Variants in HECTD4 observed in about 807,000 individuals in gnomAD.
HECTD4 encodes probable E3 ubiquitin-protein ligase HECTD4.
A neutral mutation model predicts 471.5 loss-of-function variants in HECTD4; 114 were observed. The ratio of observed to expected loss-of-function variants is 0.24; its 90% confidence interval spans 0.21 to 0.28. The LOEUF is 0.28. Among genes scored for constraint, HECTD4 ranks in the 10% least tolerant of loss-of-function variants. HECTD4 has a pLI of 1.00. For missense variants in HECTD4, 3,866 were observed against 5,651.5 expected, an observed-to-expected ratio of 0.68 and a Z score of 10.13; for synonymous variants, 2,012 against 2,256.0, an observed-to-expected ratio of 0.89 and a Z score of 3.07.
intron 70 of HECTD4, among the ~76,000 whole-genome samples, chr12:112,168,990 C>T (rs558444898): frequency 5.3e-5 from 8 of 152,306 alleles, no homozygotes; most frequent in South Asian, 2.1e-4. Context: ...CCCTCCTGCC[C>T]GGACAGCCTT....
chr12:112,208,156 G>T (rs2032650677), intron 51 of HECTD4, among the ~76,000 whole-genome samples, 156 bp from the exon 52 acceptor site: 1 of 152,136 alleles, frequency 6.6e-6, no homozygotes, highest in South Asian at 2.1e-4. Flanking sequence ...TACACCCCCA[G>T]ATGCCAGGGC....
Position 112,172,848 on chromosome 12 carries a change from C to G in HECTD4, c.11608G>C (p.Asp3870His). 1 of 1,613,890 alleles carries G rather than the reference C, an allele frequency of 6.2e-7. No individual in the cohort carries two copies. The highest frequency in any genetic ancestry group is 1.1e-5 in the South Asian group (1 of 91,070). The change falls in exon 67 of 76, where the codon GAT becomes CAT. Residue 3870 changes from aspartate (D) to histidine (H), a missense_variant. Physicochemically the swap from Asp to His is moderately conservative, Grantham distance 81. Transcript: ENST00000682272. Reference protein sequence around the residue: ...DLHFERCACIDVRHAQKASRK... With the variant: ...DLHFERCACIHVRHAQKASRK... ...GAGGCCTTCTGTGCATGTCGGACAT[C>G]GATGCATGCGCACCTTGGGGTGGGG...
chr12:112,376,381 G>C (rs1390010662), intron 1 of HECTD4, among the ~76,000 whole-genome samples: 1 of 151,974 alleles, frequency 6.6e-6, no homozygotes, highest in African/African-American at 2.4e-5. Flanking sequence ...CGAGTAGCTG[G>C]GACTACAGGC....
intron 7 of HECTD4, among the ~76,000 whole-genome samples, chr12:112,288,000 G>C (rs2034792472): frequency 6.6e-6 from 1 of 151,600 alleles, no homozygotes; most frequent in South Asian, 2.1e-4. Flanking sequence ...GTCTGGACCT[G>C]GTCAGATGAC....
intron 1 of HECTD4, among the ~76,000 whole-genome samples, chr12:112,343,824 G>A (rs1019189966): frequency 1.3e-5 from 2 of 152,046 alleles, no homozygotes; most frequent in African/African-American, 4.8e-5. Flanking sequence ...ACAGGAGAAG[G>A]GCTAAATCAC....
chr12:112,174,603 C>T (rs574789318), intron 66 of HECTD4, among the ~76,000 whole-genome samples: 4 of 149,720 alleles, frequency 2.7e-5, no homozygotes, highest in Admixed American at 6.7e-5. Context: ...CTCACTCTGT[C>T]GCCCAGGCTG....
At chr12:112,301,769 G>A (rs1465091945) in intron 7 of HECTD4, 2 of 506,264 alleles carry the variant, frequency 4.0e-6, no homozygotes, top group East Asian at 8.9e-5. Context: ...TGGTGCTTAT[G>A]TGAAGTTTTA....
At position 112,208,893 on chromosome 12, in the gene HECTD4, CTTTTTTTTTTTT is replaced by C. The variant is rs756330403; in HGVS notation, c.7868-275_7868-264del. On this transcript the variant is annotated intron_variant, in intron 50 of 75. Transcript: ENST00000682272. The stretch of plus-strand genomic sequence containing the variant: ...TTCACTATAGATAGAACTAAACAGG[CTTTTTTTTTTTT>C]TTTTTTTTTTTTTTGAGACAGAAGC... Among the ~76,000 whole-genome samples, 12 of 72,458 alleles carry C rather than the reference CTTTTTTTTTTTT, an allele frequency of 1.7e-4. 1 individual carries two copies. The highest frequency in any genetic ancestry group is 5.3e-4 in the African/African-American group (9 of 16,880). The allele number at this position is 72,458 out of a possible 152,430, so 47.5% of individuals were successfully genotyped here.
intron 11 of HECTD4, among the ~76,000 whole-genome samples, chr12:112,271,940 A>G (rs2034421733): frequency 6.6e-6 from 1 of 152,208 alleles, no homozygotes; most frequent in Non-Finnish European, 1.5e-5. Context: ...TCATCAGTCC[A>G]ACATCTGCAT....
chr12:112,380,925 G>A (rs1048715454), intron 1 of HECTD4, among the ~76,000 whole-genome samples: 2 of 152,002 alleles, frequency 1.3e-5, no homozygotes, highest in East Asian at 3.9e-4. Flanking sequence ...AAGATCCCTC[G>A]CATGCCGTTT....
At chr12:112,277,886 G>A (rs1418259042) in intron 9 of HECTD4, among the ~76,000 whole-genome samples, 1 of 151,948 alleles carries the variant, frequency 6.6e-6, no homozygotes, top group Non-Finnish European at 1.5e-5. Context: ...GAAAGTTGAG[G>A]CTTTGAATGA....
rs1283478336 is a variant in HECTD4, at chr12:112,306,204, G to T, written c.1195C>A (p.His399Asn). 1 of 1,584,886 alleles carries T rather than the reference G, an allele frequency of 6.3e-7. No homozygotes were observed. The highest frequency in any genetic ancestry group is 1.9e-5 in the Admixed American group (1 of 52,714). ...VCQVVPMPAN[H>N]LPIGSTMSTV... ...CTCATGGTGCTGCCAATGGGGAGGT[G>T]ATTGGCTGGCATTGGCACCACCTGG... Residue 399 changes from histidine (H) to asparagine (N), a missense_variant, in exon 7 of 76, where the codon CAC becomes AAC. His to Asn is a moderately conservative substitution (Grantham distance 68). This residue lies in a region of HECTD4 where 440 missense variants were observed against 636.0 expected (regional missense o/e 0.69). Coordinates refer to ENST00000682272, the MANE Select transcript of HECTD4 (RefSeq NM_001388303.1).
At chr12:112,312,556 G>A (rs927574294) in intron 4 of HECTD4, among the ~76,000 whole-genome samples, 1 of 152,176 alleles carries the variant, frequency 6.6e-6, no homozygotes, top group Non-Finnish European at 1.5e-5. Context: ...TAGCTTATTT[G>A]TTTAAAGTAG....
At position 112,265,306 on chromosome 12, in the gene HECTD4, C is replaced by A. The variant is rs2034243200; in HGVS notation, c.2499-11G>T. On this transcript the variant is annotated splice_polypyrimidine_tract_variant and intron_variant, in intron 15 of 75. Transcript: ENST00000682272. ...AGTTCATCATTTAGTCTTTAAAATG[C>A]AGGAAAAATGTAACAATAAAATATT... The A allele has an allele frequency of 2.6e-6, 4 of 1,510,496 alleles. No homozygotes were observed. Among genetic ancestry groups the A allele is most frequent in the Non-Finnish European group, 3.6e-6 (4 of 1,108,418 alleles). 93.6% of individuals were successfully genotyped at this position (1,510,496 alleles called of 1,614,324 possible).
intron 1 of HECTD4, among the ~76,000 whole-genome samples, chr12:112,367,598 T>C (rs1809550696): frequency 6.6e-6 from 1 of 151,624 alleles, no homozygotes; most frequent in Admixed American, 6.6e-5. Flanking sequence ...GGTGGGTGGA[T>C]CATCTGAGGT....
intron 43 of HECTD4, 46 bp from the exon 44 acceptor site, chr12:112,226,804 T>C (rs550196784): frequency 6.3e-6 from 9 of 1,422,140 alleles, no homozygotes; most frequent in South Asian, 5.0e-5. Context: ...TCAGTGTTCA[T>C]TGTCTAAAAA....
intron 7 of HECTD4, among the ~76,000 whole-genome samples, chr12:112,285,029 G>A (rs968203369): frequency 2.0e-5 from 3 of 152,144 alleles, no homozygotes. Flanking sequence ...GTAGAGACAG[G>A]GTTTTGCCAT....
Position 112,190,782 on chromosome 12 carries a change from T to C in HECTD4, c.9472+4A>G. ...ATTCCGATCCCCAGGGAAGGCAGCC[T>C]CACCTAGCAGCTCCACCACCTGCAG... On this transcript the variant is annotated splice_donor_region_variant and intron_variant, in intron 60 of 75. Coordinates refer to ENST00000682272, the MANE Select transcript of HECTD4 (RefSeq NM_001388303.1). 1 of 1,570,308 alleles carries C rather than the reference T, an allele frequency of 6.4e-7. No individual in the cohort carries two copies. Among genetic ancestry groups the C allele is most frequent in the Non-Finnish European group, 8.6e-7 (1 of 1,156,880 alleles).
intron 17 of HECTD4, among the ~76,000 whole-genome samples, chr12:112,263,628 AC>A (rs1240321352): frequency 6.6e-6 from 1 of 151,868 alleles, no homozygotes; most frequent in Non-Finnish European, 1.5e-5. Context: ...AAAAATTATC[AC>A]CTTTTAAAAG....
Sources: allele counts gnomAD v4.1 joint callset (sites outside exome capture counted in the v4.1 genomes callset), GRCh38; gene constraint gnomAD v4.1.1; regional missense constraint gnomAD v4.1.1; transcripts MANE v1.5; gene names NCBI Gene and HGNC (gene_info 2026-07-23, HGNC 2026-07-21).